Variants in SUGCT observed in about 807,000 individuals in gnomAD.
The protein encoded by SUGCT is succinyl-CoA:glutarate-CoA transferase, also known as succinyl-CoA:glutarate CoA-transferase.
A neutral mutation model predicts 55.0 loss-of-function variants in SUGCT; 41 were observed. That is an observed-to-expected ratio of 0.74 (90% CI 0.58 to 0.97). The LOEUF (loss-of-function observed/expected upper bound fraction) is 0.97. Ranked by LOEUF, SUGCT falls within the 50% of genes least tolerant of loss-of-function variation. The pLI, the probability that SUGCT is intolerant of heterozygous loss-of-function variation, is 0.00. For synonymous variants in SUGCT, 187 were observed against 200.4 expected (o/e 0.93, Z 0.56); for missense variants, 568 against 547.8 (o/e 1.04, Z -0.37).
intron 12 of SUGCT, among the ~76,000 whole-genome samples, chr7:40,536,667 GA>G (rs1794379467): frequency 6.6e-6 from 1 of 152,170 alleles, no homozygotes; most frequent in African/African-American, 2.4e-5. Context: ...TGGAAATACA[GA>G]GATGAAAGAT....
At chr7:40,424,060 C>T (rs566000719) in intron 9 of SUGCT, among the ~76,000 whole-genome samples, 1 of 152,112 alleles carries the variant, frequency 6.6e-6, no homozygotes, top group South Asian at 2.1e-4. Context: ...TCATACTTTC[C>T]CCTGTAAATT....
intron 9 of SUGCT, among the ~76,000 whole-genome samples, chr7:40,322,950 G>A (rs1795826505): frequency 1.8e-5 from 1 of 55,162 alleles, no homozygotes; most frequent in Non-Finnish European, 3.5e-5. Flanking sequence ...GAGTGACAGA[G>A]CGAGACCCTG....
At chr7:40,862,604 T>A (rs992888717), downstream of SUGCT, among the ~76,000 whole-genome samples, 1 of 152,132 alleles carries the variant, frequency 6.6e-6, no homozygotes, top group Non-Finnish European at 1.5e-5. Context: ...TCAAGTTCAG[T>A]TTGTGTCAAG....
chr7:40,463,133 G>A (rs1449514379), intron 11 of SUGCT, among the ~76,000 whole-genome samples: 2 of 152,022 alleles, frequency 1.3e-5, no homozygotes, highest in Non-Finnish European at 2.9e-5. Context: ...TTACATCGCA[G>A]GCACTTTCCT....
chr7:40,141,057 C>T (rs1787955303), intron 1 of SUGCT, among the ~76,000 whole-genome samples: 1 of 152,036 alleles, frequency 6.6e-6, no homozygotes, highest in South Asian at 2.1e-4. Context: ...AGATTTCTTT[C>T]ACCTTCTTGG....
chr7:40,439,061 G>GGTATATATATAT lies in SUGCT; in HGVS notation c.817-10224_817-10223insATATATATATGT, dbSNP rs5883731. Among the ~76,000 whole-genome samples, 90 of 51,870 alleles carry GGTATATATATAT rather than the reference G, an allele frequency of 1.7e-3. 13 individuals are homozygous for GGTATATATATAT. Among genetic ancestry groups the GGTATATATATAT allele is most frequent in the African/African-American group, 0.01 (85 of 8,432 alleles). The allele number at this position is 51,870 out of a possible 152,430, so 34.0% of individuals were successfully genotyped here. A position where few individuals can be genotyped will look rare whatever the true frequency, so the allele number is the denominator to read the frequency against. ...GTATATATATATATGGTATATATATGGTGTATATATATATATATATATATA... is the reference window on the plus strand; with the variant it reads ...GTATATATATATATGGTATATATATGGTATATATATATGTGTATATATATATATATATATATA... On this transcript the variant is annotated intron_variant, in intron 9 of 13. Transcript: ENST00000335693.
intron 12 of SUGCT, among the ~76,000 whole-genome samples, chr7:40,738,933 A>T (rs942489794): frequency 6.6e-6 from 1 of 152,196 alleles, no homozygotes; most frequent in African/African-American, 2.4e-5. Context: ...AATGTTTTCT[A>T]CTAAAACTCT....
chr7:40,900,090 G>A, the SUGCT span, among the ~76,000 whole-genome samples: 3 of 152,194 alleles, frequency 2.0e-5, no homozygotes, highest in Non-Finnish European at 4.4e-5. Flanking sequence ...GCGAAGCATT[G>A]GCCAGGCTCT....
At chr7:41,031,268 T>C in the SUGCT span, among the ~76,000 whole-genome samples, 7 of 152,302 alleles carry the variant, frequency 4.6e-5, no homozygotes, top group African/African-American at 1.7e-4. Flanking sequence ...AAACCTGAAA[T>C]GATGGCCTGA....
At chr7:40,255,936 G>C (rs1398547594) in intron 7 of SUGCT, among the ~76,000 whole-genome samples, 1 of 152,104 alleles carries the variant, frequency 6.6e-6, no homozygotes, top group African/African-American at 2.4e-5. Flanking sequence ...TCCTTATGAA[G>C]GTGTAGATAG....
chr7:40,546,945 T>C (rs1388874127), intron 12 of SUGCT: 1 of 152,212 alleles, frequency 6.6e-6, no homozygotes. Flanking sequence ...TAATCTTTTA[T>C]GTATTAGAGT....
chr7:40,865,519 G>A (rs1210925977), downstream of SUGCT, among the ~76,000 whole-genome samples: 3 of 152,118 alleles, frequency 2.0e-5, no homozygotes, highest in African/African-American at 7.2e-5. Context: ...GTTCTAAGGG[G>A]GAAAACCTAA....
At chr7:40,867,964 G>T in the SUGCT span, among the ~76,000 whole-genome samples, 2 of 152,100 alleles carry the variant, frequency 1.3e-5, no homozygotes, top group Non-Finnish European at 2.9e-5. Flanking sequence ...CTCTATAGGA[G>T]ATACATAACA....
chr7:40,859,347 A>G (rs1318402035), intron 13 of SUGCT, among the ~76,000 whole-genome samples: 1 of 152,240 alleles, frequency 6.6e-6, no homozygotes, highest in Non-Finnish European at 1.5e-5. Flanking sequence ...TCCAGCGGAC[A>G]CAGATTTTCA....
At chr7:40,232,050 A>G (rs1387431180) in intron 6 of SUGCT, among the ~76,000 whole-genome samples, 1 of 152,158 alleles carries the variant, frequency 6.6e-6, no homozygotes, top group Non-Finnish European at 1.5e-5. Flanking sequence ...TCAGTGAGCT[A>G]AGATCACACC....
chr7:40,688,912 A>G (rs1784574771), intron 12 of SUGCT, among the ~76,000 whole-genome samples: 1 of 152,158 alleles, frequency 6.6e-6, no homozygotes, highest in South Asian at 2.1e-4. Flanking sequence ...GAGAGTACAG[A>G]TTCTAAATCT....
chr7:40,669,113 A>T (rs1801801591), intron 12 of SUGCT, among the ~76,000 whole-genome samples: 2 of 152,110 alleles, frequency 1.3e-5, no homozygotes, highest in Admixed American at 1.3e-4. Flanking sequence ...CATTCAGGGC[A>T]ATTTTAAGTG....
intron 12 of SUGCT, among the ~76,000 whole-genome samples, chr7:40,598,729 G>A (rs1294815707): frequency 6.6e-6 from 1 of 152,122 alleles, no homozygotes; most frequent in Non-Finnish European, 1.5e-5. Context: ...AAAACCAGGT[G>A]GTCAAGAAGG....
chr7:40,959,281 C>T, the SUGCT span, among the ~76,000 whole-genome samples: 1 of 152,220 alleles, frequency 6.6e-6, no homozygotes, highest in South Asian at 2.1e-4. Flanking sequence ...GCACCTTCTC[C>T]CAAGTGCTCT....
Sources: allele counts gnomAD v4.1 joint callset (sites outside exome capture counted in the v4.1 genomes callset), GRCh38; gene constraint gnomAD v4.1.1; transcripts MANE v1.5; gene names NCBI Gene and HGNC (gene_info 2026-07-23, HGNC 2026-07-21).